The following TBC1D16 variants were observed in gnomAD, a reference collection of about 807,000 sequenced individuals.
TBC1D16 encodes the protein CTD-2529O21.1.
Under a neutral mutation model 74.7 loss-of-function variants are expected in TBC1D16, and 58 were observed. That is an observed-to-expected ratio of 0.78 (90% CI 0.63 to 0.97). TBC1D16 has a LOEUF of 0.97. Among genes scored for constraint, TBC1D16 ranks in the 50% least tolerant of loss-of-function variants. The pLI, the probability that TBC1D16 is intolerant of heterozygous loss-of-function variation, is 0.00. For synonymous variants in TBC1D16, 493 were observed against 474.7 expected, an observed-to-expected ratio of 1.04 and a Z score of -0.50; for missense variants, 1,014 against 1,079.5, an observed-to-expected ratio of 0.94 and a Z score of 0.85.
rs999096697 is a variant in TBC1D16, at chr17:80,010,035, G to A, written c.779+125C>T. 25 of 821,822 alleles carry A rather than the reference G, an allele frequency of 3.0e-5. No homozygotes were observed. Among genetic ancestry groups the A allele is most frequent in the East Asian group, 8.1e-5 (3 of 37,092 alleles). 50.9% of individuals were successfully genotyped at this position (821,822 alleles called of 1,614,324 possible). A position where few individuals can be genotyped will look rare whatever the true frequency, so the allele number is the denominator to read the frequency against. ...TCCTGCCACAGCCACGGCCACAGCC[G>A]CGGGCAGGTCGGGCAGATGCCTCCA... On this transcript the variant is annotated intron_variant, in intron 3 of 11. Coordinates refer to ENST00000310924, the MANE Select transcript of TBC1D16 (RefSeq NM_019020.4). This position sits in a 1 kb window ranked among gnomAD's most constrained non-coding sequence, Gnocchi z 8.8.
chr17:80,029,949 C>A (rs1027116609), intron 1 of TBC1D16, among the ~76,000 whole-genome samples: 1 of 152,002 alleles, frequency 6.6e-6, no homozygotes, highest in African/African-American at 2.4e-5. Flanking sequence ...TGCTCTCGAC[C>A]CCTTCCTGCA....
In TBC1D16 at chr17:79,971,432, C is replaced by T. The variant is rs146708289; in HGVS notation, c.780-18614G>A. ...AAGTGTGCAGAATCGGCATTGGAAG[C>T]CTGTCCCCCAGGTCATCCTGGTCTG... On this transcript the variant is annotated intron_variant, in intron 3 of 11. Transcript: ENST00000310924. The surrounding 1 kb of genome is among the most constrained non-coding windows in gnomAD (Gnocchi z 4.6). Among the ~76,000 whole-genome samples the T allele has an allele frequency of 1.3e-5, 2 of 152,152 alleles. No homozygotes were observed. Among genetic ancestry groups the T allele is most frequent in the African/African-American group, 2.4e-5 (1 of 41,534 alleles).
chr17:80,016,457 A>G (rs2036094274), intron 1 of TBC1D16, among the ~76,000 whole-genome samples: 1 of 152,196 alleles, frequency 6.6e-6, no homozygotes, highest in Non-Finnish European at 1.5e-5. Context: ...GTTAAAAATT[A>G]TCTATTAGTG....
chr17:79,938,212 C>G lies in TBC1D16; in HGVS notation c.*2647G>C, dbSNP rs1047623. 20,240 of 152,208 alleles carry G rather than the reference C, an allele frequency of 0.13. 1,683 individuals are homozygous for G. Among genetic ancestry groups the G allele is most frequent in the Middle Eastern group, 0.22 (65 of 296 alleles). The allele number at this position is 152,208 out of a possible 1,614,324, so 9.4% of individuals were successfully genotyped here. ...GGAGGGGCGGGGCTTCTCCATCCCCCGCGGAGCAGCGTCTCCTCCGCCAAG... is the reference window on the plus strand; with the variant it reads ...GGAGGGGCGGGGCTTCTCCATCCCCGGCGGAGCAGCGTCTCCTCCGCCAAG... On this transcript the variant is annotated 3_prime_UTR_variant, in exon 12 of 12. Coordinates refer to ENST00000310924, the MANE Select transcript of TBC1D16 (RefSeq NM_019020.4).
intron 3 of TBC1D16, among the ~76,000 whole-genome samples, chr17:79,953,734 A>C (rs2033192688): frequency 6.6e-6 from 1 of 151,852 alleles, no homozygotes; most frequent in Non-Finnish European, 1.5e-5. Flanking sequence ...CACAGGTTAA[A>C]TCTTGTCTCT....
intron 6 of TBC1D16, 125 bp from the exon 7 acceptor site, chr17:79,949,990 C>A (rs1324882818): frequency 1.6e-6 from 2 of 1,230,516 alleles, no homozygotes; most frequent in East Asian, 2.6e-5. Context: ...GCAATTTGCA[C>A]ATATTTACAA....
In TBC1D16 at chr17:79,975,300, T is replaced by C. The variant is rs2034285580; in HGVS notation, c.780-22482A>G. On this transcript the variant is annotated intron_variant, in intron 3 of 11. Coordinates refer to ENST00000310924, the MANE Select transcript of TBC1D16 (RefSeq NM_019020.4). The surrounding 1 kb of genome is among the most constrained non-coding windows in gnomAD (Gnocchi z 4.5). ...CCCGATCTCCTGTAATCTACCTGGA[T>C]TGGAACGCCCAGCTTTGTACAGCCT... 6.6e-6 allele frequency among the ~76,000 whole-genome samples: 1 copy of C among 152,218 alleles called. No homozygotes were observed. Among genetic ancestry groups the C allele is most frequent in the Non-Finnish European group, 1.5e-5 (1 of 68,038 alleles).
chr17:79,976,288 CT>C (rs2034327503), intron 3 of TBC1D16, among the ~76,000 whole-genome samples: 1 of 152,208 alleles, frequency 6.6e-6, no homozygotes, highest in Admixed American at 6.5e-5. Context: ...GGCTGTCTCT[CT>C]TGCAGCAAGG....
chr17:80,018,966 G>C (rs2143042353), intron 1 of TBC1D16, among the ~76,000 whole-genome samples: 1 of 150,172 alleles, frequency 6.7e-6, no homozygotes. Context: ...TCAAAGTTCT[G>C]CTCAGCCACG....
At chr17:79,945,206 G>C in intron 9 of TBC1D16, 119 bp from the exon 10 acceptor site, 1 of 1,123,848 alleles carries the variant, frequency 8.9e-7, no homozygotes, top group Admixed American at 2.7e-5. Flanking sequence ...GCACACCCAG[G>C]GGCCTCTACC....
At chr17:79,943,370 C>T (rs2032200231) in intron 10 of TBC1D16, among the ~76,000 whole-genome samples, 1 of 152,194 alleles carries the variant, frequency 6.6e-6, no homozygotes, top group South Asian at 2.1e-4. Context: ...ACGATCTCCA[C>T]AGCCTGCACA....
intron 1 of TBC1D16, among the ~76,000 whole-genome samples, chr17:80,017,027 C>T (rs1485781869): frequency 6.6e-6 from 1 of 152,180 alleles, no homozygotes; most frequent in Non-Finnish European, 1.5e-5. Flanking sequence ...CACAGACGCC[C>T]TCTGCCTGAT....
In TBC1D16 at chr17:79,934,940, TCCGGGAGGA is replaced by T. The variant is rs1328007024; in HGVS notation, c.*5910_*5918del. On this transcript the variant is annotated 3_prime_UTR_variant, in exon 12 of 12. Transcript: ENST00000310924. Reference sequence around the variant, plus strand: ...AGCTGGAGCTCCCCGCCCCCCGTGCTCCGGGAGGACCAGGAGACCTGCTCCATGGGCCAA... The same window carrying T: ...AGCTGGAGCTCCCCGCCCCCCGTGCTCCAGGAGACCTGCTCCATGGGCCAA... 2.6e-5 allele frequency: 4 copies of T among 152,324 alleles called. No homozygotes were observed. The highest frequency in any genetic ancestry group is 9.6e-5 in the African/African-American group (4 of 41,454). 9.4% of individuals were successfully genotyped at this position (152,324 alleles called of 1,614,324 possible). A position where few individuals can be genotyped will look rare whatever the true frequency, so the allele number is the denominator to read the frequency against.
At chr17:79,958,014 G>C (rs1020035716) in intron 3 of TBC1D16, among the ~76,000 whole-genome samples, 23 of 151,946 alleles carry the variant, frequency 1.5e-4, no homozygotes, top group African/African-American at 5.3e-4. Flanking sequence ...AAAAAATTTA[G>C]TAGAGAATAA....
chr17:79,989,093 C>T (rs184426335), intron 3 of TBC1D16, among the ~76,000 whole-genome samples: 1 of 152,360 alleles, frequency 6.6e-6, no homozygotes, highest in East Asian at 1.9e-4. Flanking sequence ...AAACACCTGT[C>T]AATCCTTCTC....
intron 3 of TBC1D16, among the ~76,000 whole-genome samples, chr17:79,976,444 G>A (rs1264639722): frequency 2.0e-5 from 3 of 152,244 alleles, no homozygotes; most frequent in Non-Finnish European, 4.4e-5. Context: ...GAAGGCTAGA[G>A]TCACGGTATT....
In TBC1D16 at chr17:79,935,264, T is replaced by C. The variant is rs1304294213; in HGVS notation, c.*5595A>G. ...GTGAGACCCCGCGAGCACTCGTCAA[T>C]TCTCCCATCACCCTCCATCGCCGCC... On this transcript the variant is annotated 3_prime_UTR_variant, in exon 12 of 12. Transcript: ENST00000310924. 6.6e-6 allele frequency: 1 copy of C among 152,204 alleles called. No homozygotes were observed. The highest frequency in any genetic ancestry group is 1.5e-5 in the Non-Finnish European group (1 of 68,058). The allele number at this position is 152,204 out of a possible 1,614,324, so 9.4% of individuals were successfully genotyped here.
chr17:79,991,995 C>G (rs924231542), intron 3 of TBC1D16: 2 of 152,030 alleles, frequency 1.3e-5, no homozygotes, highest in Non-Finnish European at 2.9e-5. Context: ...GGCCTGGTGG[C>G]CCCCCCATCC....
intron 3 of TBC1D16, among the ~76,000 whole-genome samples, chr17:79,973,512 A>T (rs770748969): frequency 6.6e-6 from 1 of 152,230 alleles, no homozygotes; most frequent in South Asian, 2.1e-4. Flanking sequence ...GATCAAGACC[A>T]TCCTGTCTAA....
Sources: allele counts gnomAD v4.1 joint callset (sites outside exome capture counted in the v4.1 genomes callset), GRCh38; gene constraint gnomAD v4.1.1; non-coding constraint Gnocchi (gnomAD v3.1); transcripts MANE v1.5; gene names NCBI Gene and HGNC (gene_info 2026-07-23, HGNC 2026-07-21).